SLC39A9: variants seen among roughly 807,000 people sequenced by gnomAD.
The protein encoded by SLC39A9 is zinc transporter ZIP9.
SLC39A9 carries 14 observed loss-of-function variants against 28.4 expected under a neutral mutation model. The ratio of observed to expected loss-of-function variants is 0.49; its 90% CI spans 0.33 to 0.77. SLC39A9 has a LOEUF of 0.77. Ranked by LOEUF, SLC39A9 falls within the 30% of genes least tolerant of loss-of-function variation. SLC39A9 has a pLI of 0.02. For synonymous variants in SLC39A9, 119 were observed against 149.6 expected, an observed-to-expected ratio of 0.80 and a Z score of 1.49; for missense variants, 283 against 381.1, an observed-to-expected ratio of 0.74 and a Z score of 2.14.
chr14:69,410,422 C>T (rs939342050), intron 1 of SLC39A9, among the ~76,000 whole-genome samples: 11 of 152,138 alleles, frequency 7.2e-5, no homozygotes, highest in African/African-American at 2.7e-4. Flanking sequence ...CTGCTAAGTG[C>T]ACTAATATAT....
At chr14:69,440,829 G>A (rs760788728) in intron 2 of SLC39A9, among the ~76,000 whole-genome samples, 84 of 152,090 alleles carry the variant, frequency 5.5e-4, no homozygotes, top group African/African-American at 1.8e-3. Flanking sequence ...ACGCGCCACC[G>A]TGCCCAGCTA....
intron 4 of SLC39A9, 129 bp downstream of exon 4, chr14:69,453,438 A>G: frequency 1.3e-6 from 1 of 748,150 alleles, no homozygotes; most frequent in East Asian, 2.8e-5. Context: ...TTCTTAATGA[A>G]GTCCTCCAAC....
At chr14:69,458,079 A>T (rs1307790684) in intron 6 of SLC39A9, among the ~76,000 whole-genome samples, 1 of 152,252 alleles carries the variant, frequency 6.6e-6, no homozygotes, top group African/African-American at 2.4e-5. Context: ...TCCACATTTT[A>T]TTCATGAATC....
At position 69,461,778 on chromosome 14, in the gene SLC39A9, C is replaced by G; in HGVS notation, c.*3185C>G. The G allele has an allele frequency of 6.5e-7, 1 of 1,528,542 alleles. No homozygotes were observed. Among genetic ancestry groups the G allele is most frequent in the Non-Finnish European group, 8.8e-7 (1 of 1,142,144 alleles). The allele number at this position is 1,528,542 out of a possible 1,614,324, so 94.7% of individuals were successfully genotyped here. A position where few individuals can be genotyped will look rare whatever the true frequency, so the allele number is the denominator to read the frequency against. ...GGTAGCTAGGGACTGAACACAGGAA[C>G]CGTATGACAGCAGCACAAACCCCCA... is the stretch of plus-strand genomic sequence containing the variant. On this transcript the variant is annotated 3_prime_UTR_variant, in exon 7 of 7. Coordinates refer to ENST00000336643, the MANE Select transcript of SLC39A9 (RefSeq NM_018375.5).
intron 3 of SLC39A9, among the ~76,000 whole-genome samples, chr14:69,450,462 C>T (rs1366148536): frequency 6.6e-6 from 1 of 151,754 alleles, no homozygotes; most frequent in Non-Finnish European, 1.5e-5. Context: ...TAAAAAAAAC[C>T]TGATTCTAAA....
intron 1 of SLC39A9, among the ~76,000 whole-genome samples, chr14:69,414,443 A>G (rs1883458338): frequency 6.6e-6 from 1 of 152,208 alleles, no homozygotes. Flanking sequence ...ATTATTTTTG[A>G]GAAGTATCTG....
At chr14:69,437,609 A>G (rs1884836058) in intron 2 of SLC39A9, among the ~76,000 whole-genome samples, 1 of 142,184 alleles carries the variant, frequency 7.0e-6, no homozygotes, top group African/African-American at 2.6e-5. Flanking sequence ...TTTTTTTTTG[A>G]GACGGAGTCT....
intron 4 of SLC39A9, chr14:69,454,565 C>T (rs2139453889): frequency 2.9e-6 from 1 of 343,874 alleles, no homozygotes; most frequent in East Asian, 4.4e-5. Context: ...ACCAAAATAA[C>T]TAACATTGAA....
intron 2 of SLC39A9, among the ~76,000 whole-genome samples, chr14:69,437,492 C>T (rs551328671): frequency 1.1e-4 from 17 of 152,224 alleles, no homozygotes; most frequent in African/African-American, 3.6e-4. Flanking sequence ...GGGTGATTGA[C>T]GTCAAAATGC....
At chr14:69,456,565 C>T (rs1050205449) in intron 6 of SLC39A9, among the ~76,000 whole-genome samples, 4 of 152,124 alleles carry the variant, frequency 2.6e-5, no homozygotes, top group Non-Finnish European at 4.4e-5. Flanking sequence ...AGCTTCAGAC[C>T]TGAGGTAACA....
Position 69,453,311 on chromosome 14 carries a change from T to C in SLC39A9, c.472+2T>C. ...TGGGTCTGGTTGTCCATGCTGCAGG[T>C]AGGGTTGGATTGCAGTGGAACTTCT... On this transcript the variant is annotated splice_donor_variant, in intron 4 of 6. Transcript: ENST00000336643. LOFTEE classifies it high-confidence loss of function. 2 of 1,613,504 alleles carry C rather than the reference T, an allele frequency of 1.2e-6. No homozygotes were observed. The highest frequency in any genetic ancestry group is 1.7e-6 in the Non-Finnish European group (2 of 1,179,552).
At chr14:69,405,535 T>C (rs913845146) in intron 1 of SLC39A9, among the ~76,000 whole-genome samples, 3 of 152,136 alleles carry the variant, frequency 2.0e-5, no homozygotes, top group Non-Finnish European at 4.4e-5. Context: ...GAAGTTTGCT[T>C]GAGGCCAGGA....
chr14:69,419,472 A>C (rs1262056780), intron 1 of SLC39A9, among the ~76,000 whole-genome samples: 1 of 152,188 alleles, frequency 6.6e-6, no homozygotes, highest in African/African-American at 2.4e-5. Flanking sequence ...AACAATGTAT[A>C]TTCTGTTGAT....
At chr14:69,407,462 C>G (rs1313075238) in intron 1 of SLC39A9, among the ~76,000 whole-genome samples, 2 of 151,846 alleles carry the variant, frequency 1.3e-5, no homozygotes, top group East Asian at 3.9e-4. Flanking sequence ...CTCAGCCTCC[C>G]AAGTAGCTGG....
intron 1 of SLC39A9, among the ~76,000 whole-genome samples, chr14:69,418,410 G>A (rs1221797095): frequency 1.3e-5 from 2 of 152,040 alleles, no homozygotes; most frequent in Admixed American, 6.6e-5. Flanking sequence ...ATGTTCATCA[G>A]GGATATTGGT....
At position 69,442,353 on chromosome 14, in the gene SLC39A9, T is replaced by G. The variant is rs1885089653; in HGVS notation, c.403+87T>G. 3 of 1,294,996 alleles carry G rather than the reference T, an allele frequency of 2.3e-6. No homozygotes were observed. The East Asian group carries it at 7.0e-5, about 30-fold the overall frequency. The allele number at this position is 1,294,996 out of a possible 1,614,324, so 80.2% of individuals were successfully genotyped here. Reference sequence around the variant, plus strand: ...GATCAAATATTTCAGTCTGTATCAGTGGCCATATTTAGTGCTAAAACTCTT... The same window carrying G: ...GATCAAATATTTCAGTCTGTATCAGGGGCCATATTTAGTGCTAAAACTCTT... On this transcript the variant is annotated intron_variant, in intron 3 of 6. Transcript: ENST00000336643.
At chr14:69,441,773 T>A in intron 2 of SLC39A9, 1 of 1,080,356 alleles carries the variant, frequency 9.3e-7, no homozygotes, top group Non-Finnish European at 1.1e-6. Flanking sequence ...TATTTGGGGA[T>A]GGTGTCCCTT....
At chr14:69,411,948 C>T (rs1217467620) in intron 1 of SLC39A9, among the ~76,000 whole-genome samples, 1 of 151,488 alleles carries the variant, frequency 6.6e-6, no homozygotes, top group Non-Finnish European at 1.5e-5. Context: ...ATGCCCAGCT[C>T]ATTTTTGTAT....
intron 1 of SLC39A9, among the ~76,000 whole-genome samples, chr14:69,410,457 T>C (rs1006645784): frequency 6.6e-6 from 1 of 152,176 alleles, no homozygotes; most frequent in South Asian, 2.1e-4. Context: ...ATAATAATAC[T>C]AGTAGCAGTA....
Sources: gnomAD v4.1 joint callset for allele counts (sites outside exome capture counted in the v4.1 genomes callset) on GRCh38, gnomAD v4.1.1 for gene constraint, MANE v1.5 for transcripts, NCBI Gene and HGNC (gene_info 2026-07-23, HGNC 2026-07-21) for gene names.